Variants in IL1RAPL1 observed in about 807,000 individuals in gnomAD.
The protein encoded by IL1RAPL1 is interleukin 1 receptor accessory protein like 1, also known as interleukin-1 receptor accessory protein-like 1.
Under a neutral mutation model 48.4 loss-of-function variants are expected in IL1RAPL1, and 3 were observed. That is an observed-to-expected ratio of 0.06 (90% CI 0.03 to 0.16). The LOEUF (loss-of-function observed/expected upper bound fraction) is 0.16, where lower values mean the gene tolerates loss of function less well. Among genes scored for constraint, IL1RAPL1 ranks in the 10% least tolerant of loss-of-function variants. The pLI, the probability that IL1RAPL1 is intolerant of heterozygous loss-of-function variation, is 1.00. For synonymous variants in IL1RAPL1, 185 were observed against 187.7 expected (o/e 0.99, Z 0.12); for missense variants, 349 against 530.6 (o/e 0.66, Z 3.36).
intron 2 of IL1RAPL1, among the ~76,000 whole-genome samples, chrX:28,804,485 C>T (rs1482216438): frequency 9.0e-6 from 1 of 111,306 alleles, no homozygotes; most frequent in Non-Finnish European, 1.9e-5. Context: ...GGGATGCATT[C>T]CTTTAGGAGG....
Position 29,803,270 on chromosome X carries a change from T to C in IL1RAPL1, c.779-114194T>C, listed in dbSNP as rs1422201898. 4.9e-3 allele frequency among the ~76,000 whole-genome samples: 140 copies of C among 28,468 alleles called. 11 individuals carry two copies. The highest frequency in any genetic ancestry group is 8.7e-3 in the Non-Finnish European group (130 of 14,890). 24.7% of individuals were successfully genotyped at this position (28,468 alleles called of 115,157 possible). ...ATACATATACACACATGTATATATG[T>C]ATACATATACACACATGTATATATG... On this transcript the variant is annotated intron_variant, in intron 6 of 10. Transcript: ENST00000378993.
At chrX:29,028,279 GT>G (rs1253980706) in intron 2 of IL1RAPL1, among the ~76,000 whole-genome samples, 1 of 94,571 alleles carries the variant, frequency 1.1e-5, no homozygotes, top group Non-Finnish European at 2.1e-5. Flanking sequence ...ACGCCCTACT[GT>G]TTTTTTTGTT....
At position 28,985,808 on chromosome X, in the gene IL1RAPL1, C is replaced by T. The variant is rs780235946; in HGVS notation, c.82+196383C>T. ...CCGAGTAGCTGGGACTACAGGCGCC[C>T]GCCACCTCGCCCGGCTAATTTTTTG... On this transcript the variant is annotated intron_variant, in intron 2 of 10. Coordinates refer to ENST00000378993, the MANE Select transcript of IL1RAPL1 (RefSeq NM_014271.4). Among the ~76,000 whole-genome samples the T allele has an allele frequency of 8.2e-5, 9 of 109,512 alleles. No individual in the cohort carries two copies. The East Asian group carries it at 2.0e-3, about 25-fold the overall frequency.
At chrX:29,682,928 C>T (rs933045460) in intron 6 of IL1RAPL1, among the ~76,000 whole-genome samples, 1 of 111,602 alleles carries the variant, frequency 9.0e-6, no homozygotes, top group African/African-American at 3.3e-5. Context: ...AGTCAAATCC[C>T]GATTAGACAG....
intron 2 of IL1RAPL1, among the ~76,000 whole-genome samples, chrX:28,796,736 A>G (rs1026266069): frequency 8.1e-5 from 9 of 110,801 alleles, no homozygotes; most frequent in African/African-American, 3.0e-4. Context: ...CAGGCACACA[A>G]TGCAAGCTGT....
intron 4 of IL1RAPL1, among the ~76,000 whole-genome samples, chrX:29,398,097 G>T (rs189754697): frequency 5.4e-5 from 6 of 112,067 alleles, no homozygotes; most frequent in African/African-American, 1.9e-4. Flanking sequence ...AAATAGCAGA[G>T]ATTTAAGGGC....
chrX:29,730,755 G>A (rs1927896303), intron 6 of IL1RAPL1, among the ~76,000 whole-genome samples: 1 of 111,847 alleles, frequency 8.9e-6, no homozygotes, highest in Non-Finnish European at 1.9e-5. Flanking sequence ...CTATGTGGGA[G>A]GGCCTTTGGG....
intron 3 of IL1RAPL1, among the ~76,000 whole-genome samples, chrX:29,351,012 C>T (rs950149334): frequency 2.7e-5 from 3 of 111,456 alleles, no homozygotes; most frequent in African/African-American, 3.3e-5. Flanking sequence ...CTAATCTGCA[C>T]GATCATTTAG....
chrX:29,246,182 G>GT (rs1181420037), intron 2 of IL1RAPL1, among the ~76,000 whole-genome samples: 2 of 62,248 alleles, frequency 3.2e-5, no homozygotes, highest in Admixed American at 4.8e-4. Context: ...TTTTACAAAT[G>GT]TAACCTTGTG....
chrX:29,209,199 A>G lies in IL1RAPL1; in HGVS notation c.83-73739A>G, dbSNP rs1245038526. Among the ~76,000 whole-genome samples, 10 of 111,834 alleles carry G rather than the reference A, an allele frequency of 8.9e-5. No individual in the cohort carries two copies. The South Asian group carries it at 2.2e-3, about 25-fold the overall frequency. ...TTTAATCTATTTTTATTTTGTTTCTATGTGTGACTGCATGTGTATGTTCTT... is the reference window on the plus strand; with the variant it reads ...TTTAATCTATTTTTATTTTGTTTCTGTGTGTGACTGCATGTGTATGTTCTT... On this transcript the variant is annotated intron_variant, in intron 2 of 10. Coordinates refer to ENST00000378993, the MANE Select transcript of IL1RAPL1 (RefSeq NM_014271.4).
chrX:29,333,906 G>T (rs1331746603), intron 3 of IL1RAPL1, among the ~76,000 whole-genome samples: 1 of 88,002 alleles, frequency 1.1e-5, no homozygotes, highest in African/African-American at 4.5e-5. Flanking sequence ...CCCGGACGGG[G>T]CGGCTGGCCA....
intron 3 of IL1RAPL1, among the ~76,000 whole-genome samples, chrX:29,350,799 A>T (rs938375830): frequency 9.0e-6 from 1 of 111,338 alleles, no homozygotes; most frequent in African/African-American, 3.3e-5. Context: ...ATGTATTTCA[A>T]TGTTTAATAT....
chrX:28,776,112 G>A (rs1936360578), intron 1 of IL1RAPL1, among the ~76,000 whole-genome samples: 1 of 111,470 alleles, frequency 9.0e-6, no homozygotes, highest in African/African-American at 3.3e-5. Context: ...GAATATATTG[G>A]TCAATGAGTT....
chrX:29,884,314 CAATTT>C (rs1453352324), intron 6 of IL1RAPL1, among the ~76,000 whole-genome samples: 1 of 111,121 alleles, frequency 9.0e-6, no homozygotes, highest in African/African-American at 3.3e-5. Flanking sequence ...CCATGGTGTT[CAATTT>C]AATAGTTAAT....
At chrX:28,891,124 T>C (rs1179689557) in intron 2 of IL1RAPL1, among the ~76,000 whole-genome samples, 1 of 111,876 alleles carries the variant, frequency 8.9e-6, no homozygotes, top group Non-Finnish European at 1.9e-5. Context: ...GGAGAGAAAG[T>C]AGAATAGGCA....
intron 2 of IL1RAPL1, among the ~76,000 whole-genome samples, chrX:29,178,416 C>T (rs1014073757): frequency 1.2e-4 from 14 of 112,005 alleles, no homozygotes; most frequent in Non-Finnish European, 2.3e-4. Context: ...CTGTTCATAT[C>T]CTTCGCCCAC....
At chrX:29,404,895 G>T (rs1235681593) in intron 5 of IL1RAPL1, among the ~76,000 whole-genome samples, 1 of 85,329 alleles carries the variant, frequency 1.2e-5, no homozygotes, top group African/African-American at 4.1e-5. Context: ...GCTGGATATA[G>T]AATTTTTTTG....
At chrX:29,642,005 C>G (rs892350459) in intron 5 of IL1RAPL1, among the ~76,000 whole-genome samples, 2 of 112,256 alleles carry the variant, frequency 1.8e-5, no homozygotes, top group African/African-American at 6.5e-5. Flanking sequence ...CTGGGTAGAA[C>G]AGATGTTTTT....
At chrX:28,749,918 AAAAAAAAAG>A (rs1163653122) in intron 1 of IL1RAPL1, among the ~76,000 whole-genome samples, 2 of 96,786 alleles carry the variant, frequency 2.1e-5, no homozygotes, top group African/African-American at 9.5e-5. Context: ...AAAAAGAAAG[AAAAAAAAAG>A]AAAAAAAAAG....
Sources: allele counts gnomAD v4.1 joint callset (sites outside exome capture counted in the v4.1 genomes callset), GRCh38; gene constraint gnomAD v4.1.1; transcripts MANE v1.5; gene names NCBI Gene and HGNC (gene_info 2026-07-23, HGNC 2026-07-21).